BOLL: variants seen among roughly 807,000 people sequenced by gnomAD.
The protein encoded by BOLL is boule RNA binding protein, also known as protein boule-like.
In BOLL, 23 loss-of-function variants were observed where a neutral mutation model predicts 44.4. The observed-to-expected ratio is 0.52, with a 90% confidence interval of 0.37 to 0.73. The LOEUF is 0.73. Among genes scored for constraint, BOLL ranks in the 30% least tolerant of loss-of-function variants. The pLI is 0.00. For synonymous variants in BOLL, 97 were observed against 110.8 expected, an observed-to-expected ratio of 0.88 and a Z score of 0.78; for missense variants, 287 against 338.3, an observed-to-expected ratio of 0.85 and a Z score of 1.19.
intron 9 of BOLL, among the ~76,000 whole-genome samples, chr2:197,745,820 T>C (rs1251684216): frequency 1.3e-5 from 2 of 152,196 alleles, no homozygotes; most frequent in South Asian, 2.1e-4. Flanking sequence ...GAGGTCAATG[T>C]TCTGGAAGAC....
intron 7 of BOLL, among the ~76,000 whole-genome samples, chr2:197,758,510 A>G (rs1229720463): frequency 6.6e-6 from 1 of 152,202 alleles, no homozygotes; most frequent in Non-Finnish European, 1.5e-5. Context: ...GCACTGGGAT[A>G]AGGGGAAAAA....
intron 6 of BOLL, 51 bp downstream of exon 6, chr2:197,771,804 A>T (rs1174052607): frequency 6.8e-7 from 1 of 1,460,480 alleles, no homozygotes; most frequent in African/African-American, 1.5e-5. Context: ...AACAAACATT[A>T]AAAAATTGAT....
intron 2 of BOLL, among the ~76,000 whole-genome samples, chr2:197,779,780 A>G (rs1289972133): frequency 6.6e-6 from 1 of 152,050 alleles, no homozygotes; most frequent in South Asian, 2.1e-4. Flanking sequence ...TAATAGACTC[A>G]TATCACCTTT....
intron 10 of BOLL, among the ~76,000 whole-genome samples, chr2:197,740,912 C>T (rs778564402): frequency 3.9e-5 from 6 of 152,176 alleles, no homozygotes; most frequent in East Asian, 1.9e-4. Context: ...AGTCAGGTAG[C>T]GTGATACCTC....
At position 197,773,554 on chromosome 2, in the gene BOLL, T is replaced by C. The variant is rs192465696; in HGVS notation, c.353-1572A>G. ...TTATGTATACAAAACATATATAAAA[T>C]TTCTCTCTATATACATATATATGGA... On this transcript the variant is annotated intron_variant, in intron 5 of 10. Coordinates refer to ENST00000392296, the MANE Select transcript of BOLL (RefSeq NM_033030.6). 4.6e-5 allele frequency among the ~76,000 whole-genome samples: 7 copies of C among 152,054 alleles called. No homozygotes were observed. The East Asian group carries it at 1.2e-3, about 25-fold the overall frequency.
intron 7 of BOLL, among the ~76,000 whole-genome samples, chr2:197,762,742 C>A (rs941551009): frequency 6.6e-6 from 1 of 151,978 alleles, no homozygotes; most frequent in Non-Finnish European, 1.5e-5. Flanking sequence ...TATTAAGAGG[C>A]AAATTTATAA....
At position 197,777,119 on chromosome 2, in the gene BOLL, T is replaced by C. The variant is rs1015944774; in HGVS notation, c.222-6A>G. ...CAAAAGTGACGAAACCATACCTAAA[T>C]AAATGCATTAATTATTACTAATTAA... On this transcript the variant is annotated splice_region_variant and splice_polypyrimidine_tract_variant and intron_variant, in intron 3 of 10. Transcript: ENST00000392296. The C allele has an allele frequency of 6.6e-7, 1 of 1,504,918 alleles. No homozygotes were observed. The highest frequency in any genetic ancestry group is 9.1e-7 in the Non-Finnish European group (1 of 1,098,484). 93.2% of individuals were successfully genotyped at this position (1,504,918 alleles called of 1,614,324 possible).
At chr2:197,755,080 C>T (rs775063420) in intron 9 of BOLL, among the ~76,000 whole-genome samples, 1 of 152,030 alleles carries the variant, frequency 6.6e-6, no homozygotes. Context: ...GTTAAAAAGT[C>T]GGCAAAGGAC....
At chr2:197,781,463 C>T (rs907727413) in intron 2 of BOLL, among the ~76,000 whole-genome samples, 1 of 152,106 alleles carries the variant, frequency 6.6e-6, no homozygotes, top group African/African-American at 2.4e-5. Flanking sequence ...AACTAGGCTT[C>T]TAGTCTCACT....
At chr2:197,785,414 C>T (rs1690031191), upstream of BOLL, 2 of 981,192 alleles carry the variant, frequency 2.0e-6, no homozygotes, top group Non-Finnish European at 2.4e-6. The surrounding 1 kb of genome is among the most constrained non-coding windows in gnomAD (Gnocchi z 6.7). Flanking sequence ...CGGGCCTGTG[C>T]GGGCAGTCCT....
chr2:197,770,505 TTAAAC>T (rs780707126), intron 6 of BOLL, among the ~76,000 whole-genome samples: 16 of 152,242 alleles, frequency 1.1e-4, no homozygotes, highest in Non-Finnish European at 2.1e-4. Flanking sequence ...TGGGATCTAA[TTAAAC>T]TAAAGAGCTT....
At chr2:197,772,573 A>ATCTATCT (rs1574859419) in intron 5 of BOLL, among the ~76,000 whole-genome samples, 2 of 151,892 alleles carry the variant, frequency 1.3e-5, no homozygotes, top group South Asian at 2.1e-4. Context: ...TTCTCTATCT[A>ATCTATCT]GTCTCCCTTT....
intron 5 of BOLL, among the ~76,000 whole-genome samples, chr2:197,775,128 A>G (rs1292012814): frequency 1.3e-5 from 2 of 151,820 alleles, no homozygotes; most frequent in Non-Finnish European, 2.9e-5. Flanking sequence ...GGAAAGATAG[A>G]ATTGAAAGCA....
At chr2:197,756,294 G>A in intron 9 of BOLL, 134 bp downstream of exon 9, 3 of 858,288 alleles carry the variant, frequency 3.5e-6, no homozygotes, top group Non-Finnish European at 4.9e-6. Context: ...GAAAGGGGAA[G>A]AGATTTGAAT....
chr2:197,769,737 A>ACGC, intron 6 of BOLL, among the ~76,000 whole-genome samples: 1 of 152,130 alleles, frequency 6.6e-6, no homozygotes, highest in Non-Finnish European at 1.5e-5. Context: ...CCATGGGTGA[A>ACGC]CGCCCATTCA....
rs183275944 is a variant in BOLL, at chr2:197,741,307, C to T, written c.828+1754G>A. On this transcript the variant is annotated intron_variant, in intron 10 of 10. Coordinates refer to ENST00000392296, the MANE Select transcript of BOLL (RefSeq NM_033030.6). ...TGTCTGTTATTGGTGTATAAGAATA[C>T]TTGTGATGTTTGTACATTGATTTTG... Among the ~76,000 whole-genome samples, 68 of 152,242 alleles carry T rather than the reference C, an allele frequency of 4.5e-4. 2 individuals carry two copies. In the South Asian group the frequency reaches 9.9e-3, roughly 22 times the overall value.
chr2:197,781,130 C>A (rs1689757497), intron 2 of BOLL, among the ~76,000 whole-genome samples: 1 of 151,948 alleles, frequency 6.6e-6, no homozygotes, highest in South Asian at 2.1e-4. Flanking sequence ...GGTACTAAGC[C>A]TAGTACCGAA....
At chr2:197,785,359 G>A, upstream of BOLL, 1 of 985,840 alleles carries the variant, frequency 1.0e-6, no homozygotes, top group Non-Finnish European at 1.2e-6. The surrounding 1 kb of genome is among the most constrained non-coding windows in gnomAD (Gnocchi z 6.7). Flanking sequence ...TTGGCTGCTG[G>A]CGGCGGGACG....
intron 1 of BOLL, among the ~76,000 whole-genome samples, chr2:197,783,979 A>T (rs1185837641): frequency 1.3e-5 from 2 of 152,180 alleles, no homozygotes; most frequent in Non-Finnish European, 2.9e-5. Flanking sequence ...TTTCATTGAG[A>T]GAAGGATGAA....
Sources: allele counts gnomAD v4.1 joint callset (sites outside exome capture counted in the v4.1 genomes callset), GRCh38; gene constraint gnomAD v4.1.1; non-coding constraint Gnocchi (gnomAD v3.1); transcripts MANE v1.5; gene names NCBI Gene and HGNC (gene_info 2026-07-23, HGNC 2026-07-21).